Variants in SIGLEC1 observed in about 807,000 individuals in gnomAD.
SIGLEC1 encodes sialoadhesin.
Under a neutral mutation model 148.0 loss-of-function variants are expected in SIGLEC1, and 132 were observed. The observed-to-expected ratio is 0.89, with a 90% CI of 0.77 to 1.03. SIGLEC1 has a LOEUF of 1.03. Ranked by LOEUF, SIGLEC1 falls within the 50% of genes least tolerant of loss-of-function variation. SIGLEC1 has a pLI of 0.00. For missense variants in SIGLEC1, 2,253 were observed against 2,271.4 expected (o/e 0.99, Z 0.16); for synonymous variants, 945 against 969.0 (o/e 0.98, Z 0.46).
chr20:3,692,002 GC>G lies in SIGLEC1; in HGVS notation c.4230del (p.Leu1411CysfsTer32). The G allele has an allele frequency of 2.5e-6, 4 of 1,613,580 alleles. No individual in the cohort carries two copies. Among genetic ancestry groups the G allele is most frequent in the Non-Finnish European group, 3.4e-6 (4 of 1,179,866 alleles). Reference protein sequence around the residue: ...GHVQVARNALRLQVQDVPAGD... With the variant: ...GHVQVARNALXLQVQDVPAGD... ...CCTGCAGGCACATCTTGCACCTGCAGCCGTAGGGCGTTTCGGGCCACCTGGA... is the reference window on the plus strand; with the variant it reads ...CCTGCAGGCACATCTTGCACCTGCAGCGTAGGGCGTTTCGGGCCACCTGGA... On this transcript the variant is annotated frameshift_variant, in exon 17 of 22. Coordinates refer to ENST00000344754, the MANE Select transcript of SIGLEC1 (RefSeq NM_023068.4). LOFTEE classifies it high-confidence loss of function.
intron 11 of SIGLEC1, 84 bp downstream of exon 11, chr20:3,696,502 A>C (rs965042830): frequency 1.5e-6 from 2 of 1,373,140 alleles, no homozygotes; most frequent in Non-Finnish European, 2.0e-6. Context: ...TCTGCACAAA[A>C]TTCACAGCAC....
rs1348954048 is a variant in SIGLEC1 at position 3,689,531 on chromosome 20, A to AATT, written c.4997+66_4997+68dup. The AATT allele has an allele frequency of 3.6e-6, 4 of 1,098,258 alleles. No individual in the cohort carries two copies. The African/African-American group carries it at 6.3e-5, about 17-fold the overall frequency. 68.0% of individuals were successfully genotyped at this position (1,098,258 alleles called of 1,614,324 possible). ...TAGGAGGTCCTAAAGGACCTGGGGGAATTTGGGGAGAAGACGAGGTGGGCT... is the reference window on the plus strand; with the variant it reads ...TAGGAGGTCCTAAAGGACCTGGGGGAATTATTTGGGGAGAAGACGAGGTGGGCT... On this transcript the variant is annotated intron_variant, in intron 20 of 21. Transcript: ENST00000344754.
At chr20:3,696,349 C>T (rs1410299726) in intron 11 of SIGLEC1, among the ~76,000 whole-genome samples, 2 of 152,126 alleles carry the variant, frequency 1.3e-5, no homozygotes, top group Non-Finnish European at 2.9e-5. Flanking sequence ...AGAAAGTGCT[C>T]CCACCAAGCA....
Position 3,697,786 on chromosome 20 carries a change from T to G in SIGLEC1, c.2122+12A>C, listed in dbSNP as rs756863411. On this transcript the variant is annotated intron_variant, in intron 9 of 21. Coordinates refer to ENST00000344754, the MANE Select transcript of SIGLEC1 (RefSeq NM_023068.4). ...CCCTGCCCCCAGGCCACCCATTCCC[T>G]GCCTGACTCACCCTGGCCATTGAAG... is the stretch of plus-strand genomic sequence containing the variant. The G allele has an allele frequency of 3.1e-6, 5 of 1,611,300 alleles. No individual in the cohort carries two copies. Among genetic ancestry groups the G allele is most frequent in the Middle Eastern group, 3.4e-4 (2 of 5,842 alleles).
intron 11 of SIGLEC1, among the ~76,000 whole-genome samples, chr20:3,695,434 G>A (rs1262978449): frequency 2.0e-5 from 3 of 152,224 alleles, no homozygotes; most frequent in Non-Finnish European, 2.9e-5. Flanking sequence ...CCTGCATCCA[G>A]ACTCCAGGCC....
chr20:3,695,851 G>A (rs945693496), intron 11 of SIGLEC1, among the ~76,000 whole-genome samples: 1 of 151,196 alleles, frequency 6.6e-6, no homozygotes, highest in African/African-American at 2.4e-5. Flanking sequence ...GTCTCACTCT[G>A]TCATCCAGGC....
At chr20:3,699,114 G>A (rs1330765616) in intron 8 of SIGLEC1, 88 bp downstream of exon 8, 19 of 1,470,860 alleles carry the variant, frequency 1.3e-5, no homozygotes, top group Non-Finnish European at 1.8e-6. Context: ...AGACCGTGGG[G>A]CAGGGCAGGA....
At chr20:3,691,879 C>T (rs1378020771) in intron 17 of SIGLEC1, 24 bp downstream of exon 17, 1 of 1,550,018 alleles carries the variant, frequency 6.5e-7, no homozygotes, top group Middle Eastern at 1.7e-4. Flanking sequence ...CAGAGCCCCT[C>T]CTCCTCCCCT....
chr20:3,708,773 T>C (rs6139182), intron 1 of SIGLEC1, among the ~76,000 whole-genome samples: 82,763 of 150,910 alleles, frequency 0.55, 22,712 homozygotes, highest in South Asian at 0.6. Context: ...AACAGCTGGG[T>C]GCGGTGGCTC....
rs774513873 is a variant in SIGLEC1 at position 3,696,829 on chromosome 20, G to C, written c.2440C>G (p.Leu814Val). 8 of 1,597,746 alleles carry C rather than the reference G, an allele frequency of 5.0e-6. No individual in the cohort carries two copies. In the South Asian group the frequency reaches 8.9e-5, roughly 18 times the overall value. ...CGGCTGTCCACAGTGCAGATGAACA[G>C]AGCCATGTGGCCCTGGCCCATGTCT... ...LLDMGQGHMA[L>V]FICTVDSRPL... The change falls in exon 11 of 22, where the codon CTG becomes GTG. Residue 814 changes from leucine (L) to valine (V), a missense_variant. Physicochemically the swap from Leu to Val is conservative, Grantham distance 32. Coordinates refer to ENST00000344754, the MANE Select transcript of SIGLEC1 (RefSeq NM_023068.4).
rs755668303 is a variant in SIGLEC1 at position 3,704,012 on chromosome 20, G to GC, written c.785dup (p.Cys262TrpfsTer14). 1 of 1,613,246 alleles carries GC rather than the reference G, an allele frequency of 6.2e-7. No homozygotes were observed. Among genetic ancestry groups the GC allele is most frequent in the Non-Finnish European group, 8.5e-7 (1 of 1,179,502 alleles). ...CTGCAGGGTAGCTGCTGTTCACCTGGCAGGTGAGTGTGACCAGCTCACCTG... is the reference window on the plus strand; with the variant it reads ...CTGCAGGGTAGCTGCTGTTCACCTGGCCAGGTGAGTGTGACCAGCTCACCTG... On this transcript the variant is annotated frameshift_variant, in exon 5 of 22. Transcript: ENST00000344754. LOFTEE classifies it high-confidence loss of function.
intron 9 of SIGLEC1, among the ~76,000 whole-genome samples, chr20:3,697,583 G>A (rs1311118400): frequency 6.6e-6 from 1 of 152,162 alleles, no homozygotes; most frequent in Non-Finnish European, 1.5e-5. Context: ...TCCCAGCTGG[G>A]GAGTCCTTCC....
intron 11 of SIGLEC1, among the ~76,000 whole-genome samples, chr20:3,696,359 A>C (rs2088822170): frequency 6.6e-6 from 1 of 152,224 alleles, no homozygotes; most frequent in Non-Finnish European, 1.5e-5. Flanking sequence ...CCCACCAAGC[A>C]AGCCACTCTG....
At chr20:3,698,180 G>T in intron 8 of SIGLEC1, 47 bp from the exon 9 acceptor site, 1 of 1,464,594 alleles carries the variant, frequency 6.8e-7, no homozygotes, top group South Asian at 1.3e-5. Flanking sequence ...ATGCTCCAGG[G>T]CCCCACAAGC....
rs753133434 is a variant in SIGLEC1, at chr20:3,694,384, C to G, written c.3093G>C (p.Val1031=). 3.1e-6 allele frequency: 5 copies of G among 1,613,292 alleles called. No individual in the cohort carries two copies. Among genetic ancestry groups the G allele is most frequent in the Non-Finnish European group, 4.2e-6 (5 of 1,179,894 alleles). ...DRLVASTLQG[V]GGPEGSSPRL... is the part of the protein sequence containing the mutation. ...TGGGAGAGCTGCCTTCGGGTCCCCC[C>G]ACACCTTGTAGGGTGGAGGCCACAA... The change falls in exon 13 of 22, where the codon GTG becomes GTC. Residue 1031 remains valine (V), a synonymous_variant. Transcript: ENST00000344754.
rs753133434 is a variant in SIGLEC1 at position 3,694,384 on chromosome 20, C to A, written c.3093G>T (p.Val1031=). ...TGGGAGAGCTGCCTTCGGGTCCCCCCACACCTTGTAGGGTGGAGGCCACAA... is the reference window on the plus strand; with the variant it reads ...TGGGAGAGCTGCCTTCGGGTCCCCCAACACCTTGTAGGGTGGAGGCCACAA... ...DRLVASTLQG[V]GGPEGSSPRL... The change falls in exon 13 of 22, where the codon GTG becomes GTT. Residue 1031 remains valine (V), a synonymous_variant. Transcript: ENST00000344754. The A allele has an allele frequency of 6.2e-7, 1 of 1,613,292 alleles. No homozygotes were observed. The highest frequency in any genetic ancestry group is 8.5e-7 in the Non-Finnish European group (1 of 1,179,894).
At position 3,698,028 on chromosome 20, in the gene SIGLEC1, G is replaced by A. The variant is rs752322631; in HGVS notation, c.1892C>T (p.Pro631Leu). ...CTTGTGGAGCAGCTGCAGCCTGGCG[G>A]GGGGGTCGCTGTCCACACGGCACAA... ...LLLCRVDSDPPARLQLLHKDR... is the reference protein window; with the variant it reads ...LLLCRVDSDPLARLQLLHKDR... The change falls in exon 9 of 22, where the codon CCC (proline) becomes CTC (leucine). Residue 631 changes from proline to leucine, a missense_variant. Pro to Leu is a moderately conservative substitution (Grantham distance 98). Coordinates refer to ENST00000344754, the MANE Select transcript of SIGLEC1 (RefSeq NM_023068.4). The A allele has an allele frequency of 8.1e-6, 13 of 1,609,998 alleles. No homozygotes were observed. The highest frequency in any genetic ancestry group is 1.7e-4 in the Middle Eastern group (1 of 5,886).
In SIGLEC1 at chr20:3,694,546, G is replaced by A; in HGVS notation, c.2945-14C>T. The A allele has an allele frequency of 2.6e-6, 4 of 1,559,088 alleles. No individual in the cohort carries two copies. The highest frequency in any genetic ancestry group is 1.2e-5 in the South Asian group (1 of 81,476). On this transcript the variant is annotated splice_polypyrimidine_tract_variant and intron_variant, in intron 12 of 21. Transcript: ENST00000344754. The stretch of plus-strand genomic sequence containing the variant: ...GGCGTGGGGCATCTACACAGGGTGG[G>A]GAGTGGTCAGGACCCAGCCAGGGGG...
rs971038628 is a variant in SIGLEC1, at chr20:3,698,232, G to A, written c.1787-99C>T. ...AATACACTGGACAAAGGCAGATCCC[G>A]AAGGCTGCCCCAAGCAGCTGTGCAG... On this transcript the variant is annotated intron_variant, in intron 8 of 21. Transcript: ENST00000344754. 61 of 1,101,470 alleles carry A rather than the reference G, an allele frequency of 5.5e-5. No homozygotes were observed. The African/African-American group carries it at 8.9e-4, about 16-fold the overall frequency. 68.2% of individuals were successfully genotyped at this position (1,101,470 alleles called of 1,614,324 possible). A position where few individuals can be genotyped will look rare whatever the true frequency, so the allele number is the denominator to read the frequency against.
Sources: gnomAD v4.1 joint callset for allele counts (sites outside exome capture counted in the v4.1 genomes callset) on GRCh38, gnomAD v4.1.1 for gene constraint, MANE v1.5 for transcripts, NCBI Gene and HGNC (gene_info 2026-07-23, HGNC 2026-07-21) for gene names.